The following PIP5K1C variants were observed in gnomAD, a reference collection of about 807,000 sequenced individuals.
PIP5K1C encodes the protein phosphatidylinositol 4-phosphate 5-kinase type-1 gamma.
Under a neutral mutation model 80.1 loss-of-function variants are expected in PIP5K1C, and 45 were observed. The ratio of observed to expected loss-of-function variants is 0.56; its 90% CI spans 0.44 to 0.72. The LOEUF (loss-of-function observed/expected upper bound fraction) is 0.72, where lower values mean the gene tolerates loss of function less well. Among genes scored for constraint, PIP5K1C ranks in the 30% least tolerant of loss-of-function variants. The probability of loss-of-function intolerance (pLI) is 0.00; values close to 1 mark genes in which losing one functional copy is unlikely to be tolerated. For missense variants in PIP5K1C, 753 were observed against 954.6 expected, an observed-to-expected ratio of 0.79 and a Z score of 2.78; for synonymous variants, 498 against 420.1, an observed-to-expected ratio of 1.19 and a Z score of -2.27.
chr19:3,661,789 G>T, intron 4 of PIP5K1C, 82 bp downstream of exon 4: 1 of 1,553,322 alleles, frequency 6.4e-7, no homozygotes, highest in Non-Finnish European at 8.8e-7. Context: ...TTTCAGCAGA[G>T]AAGGGCGCTC....
Position 3,632,893 on chromosome 19 carries a change from C to A in PIP5K1C, c.*274G>T. 1 of 504,676 alleles carries A rather than the reference C, an allele frequency of 2.0e-6. No individual in the cohort carries two copies. Among genetic ancestry groups the A allele is most frequent in the Non-Finnish European group, 3.5e-6 (1 of 286,660 alleles). The allele number at this position is 504,676 out of a possible 1,614,324, so 31.3% of individuals were successfully genotyped here. A position where few individuals can be genotyped will look rare whatever the true frequency, so the allele number is the denominator to read the frequency against. Reference sequence around the variant, plus strand: ...CTTTTCCTAAAACGGCACACACGTGCTTCCGTCTCTGTGCCAAATAAGGAC... The same window carrying A: ...CTTTTCCTAAAACGGCACACACGTGATTCCGTCTCTGTGCCAAATAAGGAC... On this transcript the variant is annotated 3_prime_UTR_variant, in exon 18 of 18. Coordinates refer to ENST00000335312, the MANE Select transcript of PIP5K1C (RefSeq NM_012398.3).
chr19:3,654,951 T>C (rs2034570159), intron 6 of PIP5K1C, among the ~76,000 whole-genome samples: 4 of 150,038 alleles, frequency 2.7e-5, no homozygotes, highest in Non-Finnish European at 5.9e-5. Flanking sequence ...CTACTAAAAA[T>C]ACAAAAATTA....
intron 1 of PIP5K1C, among the ~76,000 whole-genome samples, chr19:3,690,323 C>T (rs1370418917): frequency 6.6e-6 from 1 of 151,732 alleles, no homozygotes; most frequent in Non-Finnish European, 1.5e-5. Context: ...ATGGGAAGAC[C>T]CTGTCTCCAT....
At chr19:3,638,787 G>A (rs576466682) in intron 16 of PIP5K1C, 97 bp downstream of exon 16, 3 of 1,500,626 alleles carry the variant, frequency 2.0e-6, no homozygotes, top group South Asian at 2.3e-5. Flanking sequence ...TCACGTGCCT[G>A]TGTGCAGGTG....
intron 1 of PIP5K1C, chr19:3,673,971 C>T (rs1226645003): frequency 6.6e-6 from 1 of 152,294 alleles, no homozygotes; most frequent in Non-Finnish European, 1.5e-5. Context: ...GGCTGCGACG[C>T]TTGGCAGTAG....
At chr19:3,678,158 GGATGGAGA>G (rs1264423144) in intron 1 of PIP5K1C, among the ~76,000 whole-genome samples, 2 of 141,796 alleles carry the variant, frequency 1.4e-5, no homozygotes, top group South Asian at 2.4e-4. Context: ...GAAAATGGAG[GGATGGAGA>G]GATGGAGGGA....
At chr19:3,660,334 C>T (rs566977095) in intron 5 of PIP5K1C, among the ~76,000 whole-genome samples, 3 of 151,754 alleles carry the variant, frequency 2.0e-5, no homozygotes, top group East Asian at 1.9e-4. Context: ...GAGCCGAGAT[C>T]GCACCACTGC....
At chr19:3,678,920 G>A (rs1317146372) in intron 1 of PIP5K1C, among the ~76,000 whole-genome samples, 1 of 143,650 alleles carries the variant, frequency 7.0e-6, no homozygotes, top group African/African-American at 2.6e-5. Flanking sequence ...AGGGATGGAG[G>A]GATGGAGGAG....
At chr19:3,665,082 C>T (rs941885192) in intron 2 of PIP5K1C, among the ~76,000 whole-genome samples, 168 bp from the exon 3 acceptor site, 2 of 152,312 alleles carry the variant, frequency 1.3e-5, no homozygotes, top group African/African-American at 4.8e-5. Context: ...GCCCCTCACC[C>T]GTGGGCGCCT....
intron 1 of PIP5K1C, among the ~76,000 whole-genome samples, chr19:3,678,003 AC>A (rs1481327241): frequency 3.5e-5 from 3 of 84,640 alleles, no homozygotes; most frequent in South Asian, 4.1e-4. Context: ...GGAGGGATGG[AC>A]AGATGGAGGG....
Position 3,668,611 on chromosome 19 carries a change from CCT to C in PIP5K1C, c.95-1260_95-1259del, listed in dbSNP as rs1363076689. Among the ~76,000 whole-genome samples the C allele has an allele frequency of 7.2e-5, 11 of 152,296 alleles. No homozygotes were observed. In the East Asian group the frequency reaches 1.2e-3, roughly 16 times the overall value. Reference sequence around the variant, plus strand: ...GGGGCTGGACTCCTGGCCTCGGAGCCCTGAGGTGGGAAGCGATGTCAGCGACT... The same window carrying C: ...GGGGCTGGACTCCTGGCCTCGGAGCCGAGGTGGGAAGCGATGTCAGCGACT... On this transcript the variant is annotated intron_variant, in intron 1 of 17. Transcript: ENST00000335312.
At chr19:3,684,932 G>A (rs2035707481) in intron 1 of PIP5K1C, among the ~76,000 whole-genome samples, 1 of 152,180 alleles carries the variant, frequency 6.6e-6, no homozygotes, top group South Asian at 2.1e-4. Flanking sequence ...AAGGTTCCAA[G>A]TTATTTCTGG....
In PIP5K1C at chr19:3,700,305, G is replaced by A. The variant is rs1321710282; in HGVS notation, c.86C>T (p.Ala29Val). The A allele has an allele frequency of 3.9e-6, 5 of 1,285,218 alleles. No individual in the cohort carries two copies. In the South Asian group the frequency reaches 6.2e-5, roughly 16 times the overall value. 79.6% of individuals were successfully genotyped at this position (1,285,218 alleles called of 1,614,324 possible). Residue 29 changes from alanine to valine, a missense_variant, in exon 1 of 18, where the codon GCG (alanine) becomes GTG (valine). By Grantham distance (64) the Ala-to-Val change is moderately conservative. Coordinates refer to ENST00000335312, the MANE Select transcript of PIP5K1C (RefSeq NM_012398.3). The stretch of plus-strand genomic sequence containing the variant: ...GGAGGCCGGGCCGTTACCTGCCGCC[G>A]CCCCGCTCTCTGCCGCCCACGCCGC... ...SEAAWAAESG[A>V]AAGLAQKKAA... is the part of the protein sequence containing the mutation.
chr19:3,663,037 T>C (rs1364429887), intron 3 of PIP5K1C, among the ~76,000 whole-genome samples: 1 of 152,062 alleles, frequency 6.6e-6, no homozygotes, highest in Non-Finnish European at 1.5e-5. Context: ...ATTATTTTTT[T>C]GTATTTTTAG....
rs1311543780 is a variant in PIP5K1C at position 3,632,896 on chromosome 19, C to T, written c.*271G>A. 1 of 506,602 alleles carries T rather than the reference C, an allele frequency of 2.0e-6. No homozygotes were observed. Among genetic ancestry groups the T allele is most frequent in the Non-Finnish European group, 3.5e-6 (1 of 287,928 alleles). 31.4% of individuals were successfully genotyped at this position (506,602 alleles called of 1,614,324 possible). On this transcript the variant is annotated 3_prime_UTR_variant, in exon 18 of 18. Coordinates refer to ENST00000335312, the MANE Select transcript of PIP5K1C (RefSeq NM_012398.3). ...TTCCTAAAACGGCACACACGTGCTTCCGTCTCTGTGCCAAATAAGGACTCA... is the reference window on the plus strand; with the variant it reads ...TTCCTAAAACGGCACACACGTGCTTTCGTCTCTGTGCCAAATAAGGACTCA...
intron 4 of PIP5K1C, 115 bp downstream of exon 4, chr19:3,661,756 C>T (rs188064560): frequency 3.5e-5 from 45 of 1,292,900 alleles, no homozygotes; most frequent in African/African-American, 1.9e-4. Flanking sequence ...GCCAAGGAGG[C>T]GCCAGGAGGG....
In PIP5K1C at chr19:3,631,614, T is replaced by C. The variant is rs1599905072; in HGVS notation, c.*1553A>G. The C allele has an allele frequency of 6.6e-6, 1 of 151,464 alleles. No individual in the cohort carries two copies. The highest frequency in any genetic ancestry group is 1.5e-5 in the Non-Finnish European group (1 of 67,916). The allele number at this position is 151,464 out of a possible 1,614,324, so 9.4% of individuals were successfully genotyped here. A position where few individuals can be genotyped will look rare whatever the true frequency, so the allele number is the denominator to read the frequency against. On this transcript the variant is annotated 3_prime_UTR_variant, in exon 18 of 18. Transcript: ENST00000335312. ...GGGTCGGCCCCTCTCCTGGGCAGAG[T>C]GGAGGGGCTGCTCTCGTGGAGTGTG...
At chr19:3,644,393 C>T (rs1046005317) in intron 11 of PIP5K1C, 142 bp from the exon 12 acceptor site, 3 of 825,576 alleles carry the variant, frequency 3.6e-6, no homozygotes, top group African/African-American at 1.7e-5. Flanking sequence ...AGCACCACAA[C>T]CTCTTGGTGG....
chr19:3,672,443 G>T (rs925233711), intron 1 of PIP5K1C: 5 of 150,138 alleles, frequency 3.3e-5, no homozygotes, highest in African/African-American at 1.3e-4. Flanking sequence ...CAGCATGGGC[G>T]TGTTTGTTGA....
Sources: gnomAD v4.1 joint callset for allele counts (sites outside exome capture counted in the v4.1 genomes callset) on GRCh38, gnomAD v4.1.1 for gene constraint, MANE v1.5 for transcripts, NCBI Gene and HGNC (gene_info 2026-07-23, HGNC 2026-07-21) for gene names.